The following RORA variants were observed in gnomAD, a reference collection of about 807,000 sequenced individuals.
RORA encodes the protein nuclear receptor ROR-alpha.
A neutral mutation model predicts 69.5 loss-of-function variants in RORA; 7 were observed. That is an observed-to-expected ratio of 0.10 (90% CI 0.06 to 0.19). The LOEUF (loss-of-function observed/expected upper bound fraction) is 0.19, where lower values mean the gene tolerates loss of function less well. RORA is among the 10% of genes least tolerant of loss of function. The pLI is 1.00. For synonymous variants in RORA, 261 were observed against 240.8 expected (o/e 1.08, Z -0.78); for missense variants, 457 against 663.0 (o/e 0.69, Z 3.41).
chr15:61,159,827 T>C (rs1181922328), intron 1 of RORA, among the ~76,000 whole-genome samples: 1 of 152,220 alleles, frequency 6.6e-6, no homozygotes, highest in Non-Finnish European at 1.5e-5. Context: ...CAGTTTCCTA[T>C]TGTGAATGAA....
At position 61,170,180 on chromosome 15, in the gene RORA, C is replaced by T. The variant is rs146540377; in HGVS notation, c.166+58873G>A. ...TGATCAATTACCATAAATGCAGTGG[C>T]TTAAATCAACACAAATCTACTAACT... is the stretch of plus-strand genomic sequence containing the variant. On this transcript the variant is annotated intron_variant, in intron 1 of 10. Coordinates refer to ENST00000335670, the MANE Select transcript of RORA (RefSeq NM_134261.3). 5.3e-3 allele frequency among the ~76,000 whole-genome samples: 808 copies of T among 152,228 alleles called. 15 individuals are homozygous for T. Among genetic ancestry groups the T allele is most frequent in the Admixed American group, 0.011 (170 of 15,288 alleles).
At chr15:60,925,011 A>T (rs1037998688) in intron 1 of RORA, among the ~76,000 whole-genome samples, 1 of 152,004 alleles carries the variant, frequency 6.6e-6, no homozygotes, top group Non-Finnish European at 1.5e-5. Context: ...CCCAGGAGGC[A>T]GAGGTTGCAG....
At chr15:60,873,898 A>G (rs532277204) in intron 1 of RORA, among the ~76,000 whole-genome samples, 3 of 152,352 alleles carry the variant, frequency 2.0e-5, no homozygotes, top group East Asian at 3.9e-4. Context: ...TTCACAAAAG[A>G]AAGGGCAAAT....
chr15:60,604,831 A>G (rs1567119293), intron 2 of RORA, among the ~76,000 whole-genome samples: 1 of 152,208 alleles, frequency 6.6e-6, no homozygotes, highest in Non-Finnish European at 1.5e-5. Context: ...CTGAAAAACT[A>G]ACACCTATCT....
intron 2 of RORA, among the ~76,000 whole-genome samples, chr15:60,550,466 G>T (rs2067200004): frequency 6.6e-6 from 1 of 152,064 alleles, no homozygotes; most frequent in Non-Finnish European, 1.5e-5. Context: ...TCCTTTAAGT[G>T]GTCACCAAAA....
chr15:61,069,581 T>C (rs2078311143), intron 1 of RORA, among the ~76,000 whole-genome samples: 1 of 152,114 alleles, frequency 6.6e-6, no homozygotes, highest in African/African-American at 2.4e-5. Context: ...TAGCAAAGTG[T>C]CATCTGAAAC....
chr15:61,149,328 T>C (rs900206102), intron 1 of RORA, among the ~76,000 whole-genome samples: 1 of 152,150 alleles, frequency 6.6e-6, no homozygotes, highest in Non-Finnish European at 1.5e-5. Context: ...CTTGTCTCTC[T>C]TCATCTACAG....
At chr15:61,149,937 T>C (rs2079383416) in intron 1 of RORA, among the ~76,000 whole-genome samples, 1 of 152,208 alleles carries the variant, frequency 6.6e-6, no homozygotes. Context: ...GGTGTGATGA[T>C]GAACTCTGAG....
chr15:60,593,146 A>AGTT, intron 2 of RORA: 6 of 301,814 alleles, frequency 2.0e-5, no homozygotes, highest in Non-Finnish European at 3.9e-5. Context: ...GGGCGGGGGA[A>AGTT]CTCCGCCCAC....
intron 1 of RORA, among the ~76,000 whole-genome samples, chr15:61,050,593 A>G (rs986448001): frequency 2.6e-5 from 4 of 152,204 alleles, no homozygotes; most frequent in African/African-American, 7.2e-5. Flanking sequence ...TGTTCTAAAC[A>G]CTAAGAGGAG....
intron 2 of RORA, among the ~76,000 whole-genome samples, chr15:60,542,473 C>T (rs1014973700): frequency 4.0e-5 from 6 of 150,458 alleles, no homozygotes; most frequent in Non-Finnish European, 5.9e-5. Flanking sequence ...ACACACACGG[C>T]ACACAGGCGC....
rs545366869 is a variant in RORA, at chr15:60,589,638, G to T, written c.197-57787C>A. On this transcript the variant is annotated intron_variant, in intron 2 of 10. Transcript: ENST00000335670. Reference sequence around the variant, plus strand: ...TAATTAAACAAAAGCAAAATTGAAGGATGAGACTAGAGTTACTCAAATGAA... The same window carrying T: ...TAATTAAACAAAAGCAAAATTGAAGTATGAGACTAGAGTTACTCAAATGAA... 3.9e-5 allele frequency among the ~76,000 whole-genome samples: 6 copies of T among 152,262 alleles called. No homozygotes were observed. In the East Asian group the frequency reaches 1.2e-3, roughly 29 times the overall value.
At chr15:61,212,882 A>G (rs2080006119) in intron 1 of RORA, among the ~76,000 whole-genome samples, 1 of 152,074 alleles carries the variant, frequency 6.6e-6, no homozygotes, top group South Asian at 2.1e-4. Flanking sequence ...AGATGTAAAA[A>G]TTCACCTTCT....
At position 61,016,291 on chromosome 15, in the gene RORA, G is replaced by C. The variant is rs972403337; in HGVS notation, c.166+212762C>G. Among the ~76,000 whole-genome samples the C allele has an allele frequency of 4.6e-5, 7 of 152,292 alleles. No individual in the cohort carries two copies. The East Asian group carries it at 1.2e-3, about 25-fold the overall frequency. ...GACCATTGCACCTGGCATTCGAGAA[G>C]CTCCTAGCAAATGCTAGCCACTAAT... On this transcript the variant is annotated intron_variant, in intron 1 of 10. Transcript: ENST00000335670.
intron 1 of RORA, among the ~76,000 whole-genome samples, chr15:60,877,447 TC>T (rs1271494146): frequency 6.6e-6 from 1 of 152,224 alleles, no homozygotes; most frequent in East Asian, 1.9e-4. Context: ...ACACAAATGT[TC>T]TTCCCCTGAG....
At chr15:60,586,268 G>A (rs2068332273) in intron 2 of RORA, among the ~76,000 whole-genome samples, 1 of 152,122 alleles carries the variant, frequency 6.6e-6, no homozygotes, top group African/African-American at 2.4e-5. Flanking sequence ...ACTATGTGCT[G>A]GGTTAAGTGC....
intron 2 of RORA, among the ~76,000 whole-genome samples, chr15:60,540,574 C>CCCACCG (rs1555428646): frequency 9.7e-6 from 1 of 102,646 alleles, no homozygotes; most frequent in Admixed American, 1.1e-4. Flanking sequence ...ACCCCCCCCC[C>CCCACCG]CCAAAACTGT....
intron 1 of RORA, among the ~76,000 whole-genome samples, chr15:60,823,462 G>C (rs939773385): frequency 1.3e-5 from 2 of 152,186 alleles, no homozygotes; most frequent in African/African-American, 4.8e-5. Flanking sequence ...CCCAACCTCA[G>C]ATGGTAGGCT....
At chr15:61,166,540 C>T (rs141082672) in intron 1 of RORA, among the ~76,000 whole-genome samples, 182 of 152,228 alleles carry the variant, frequency 1.2e-3, no homozygotes, top group African/African-American at 4.2e-3. Context: ...CATTGACAAC[C>T]GTTATATCAC....
Sources: gnomAD v4.1 joint callset for allele counts (sites outside exome capture counted in the v4.1 genomes callset) on GRCh38, gnomAD v4.1.1 for gene constraint, MANE v1.5 for transcripts, NCBI Gene and HGNC (gene_info 2026-07-23, HGNC 2026-07-21) for gene names.